The following DNAH14 variants were observed in gnomAD, a reference collection of about 807,000 sequenced individuals.
DNAH14 encodes the protein dynein axonemal heavy chain 14, also known as axonemal beta dynein heavy chain 14.
DNAH14 carries 478 observed loss-of-function variants against 520.9 expected under a neutral mutation model. That is an observed-to-expected ratio of 0.92 (90% CI 0.85 to 0.99). The LOEUF is 0.99. Among genes scored for constraint, DNAH14 ranks in the 50% least tolerant of loss-of-function variants. DNAH14 has a pLI of 0.00. For missense variants in DNAH14, 4,831 were observed against 5,234.5 expected (o/e 0.92, Z 2.38); for synonymous variants, 1,581 against 1,757.2 (o/e 0.90, Z 2.51).
chr1:225,019,505 CA>C, intron 10 of DNAH14, among the ~76,000 whole-genome samples: 1 of 152,160 alleles, frequency 6.6e-6, no homozygotes, highest in Non-Finnish European at 1.5e-5. Flanking sequence ...CAGCATTAGA[CA>C]CATTGTTGAG....
intron 85 of DNAH14, 59 bp from the exon 86 acceptor site, chr1:225,398,995 G>A: frequency 8.1e-7 from 1 of 1,235,806 alleles, no homozygotes; most frequent in Admixed American, 2.3e-5. Flanking sequence ...CAGAAAATGT[G>A]AGCTACTGAT....
intron 27 of DNAH14, among the ~76,000 whole-genome samples, chr1:225,136,014 T>C (rs2078926208): frequency 6.6e-6 from 1 of 152,210 alleles, no homozygotes; most frequent in Non-Finnish European, 1.5e-5. Context: ...TGGTAAATTT[T>C]CCCTTATCCC....
chr1:225,144,820 CAAT>C (rs1168849150), intron 29 of DNAH14, among the ~76,000 whole-genome samples, 192 bp downstream of exon 29: 2 of 151,998 alleles, frequency 1.3e-5, no homozygotes, highest in Admixed American at 6.6e-5. Flanking sequence ...CTTAGAATCT[CAAT>C]AAGCCAACAT....
intron 23 of DNAH14, among the ~76,000 whole-genome samples, chr1:225,108,009 G>A (rs941778578): frequency 1.3e-5 from 2 of 152,154 alleles, no homozygotes; most frequent in Non-Finnish European, 2.9e-5. Flanking sequence ...TGTTGCCGAA[G>A]GAGATTAACA....
intron 46 of DNAH14, among the ~76,000 whole-genome samples, chr1:225,263,944 GAAAAT>G (rs1437571458): frequency 3.9e-5 from 6 of 152,016 alleles, no homozygotes; most frequent in African/African-American, 1.2e-4. Flanking sequence ...ACTATCCAGA[GAAAAT>G]ATCTAACTGT....
intron 56 of DNAH14, among the ~76,000 whole-genome samples, chr1:225,302,058 C>A (rs1276166053): frequency 6.7e-6 from 1 of 148,282 alleles, no homozygotes; most frequent in African/African-American, 2.5e-5. Flanking sequence ...ATAAATAAAC[C>A]AAGAATCTCA....
intron 50 of DNAH14, 140 bp downstream of exon 50, chr1:225,271,006 A>G: frequency 1.1e-5 from 11 of 970,236 alleles, no homozygotes; most frequent in Non-Finnish European, 1.6e-5. Flanking sequence ...TTTCTGGCCT[A>G]TTATAATTTG....
At chr1:224,997,148 G>A (rs1019335046) in intron 8 of DNAH14, among the ~76,000 whole-genome samples, 17 of 152,086 alleles carry the variant, frequency 1.1e-4, no homozygotes, top group African/African-American at 4.1e-4. Flanking sequence ...TCTGTAGGCT[G>A]GTTGCCATGG....
In DNAH14 at chr1:225,051,433, C is replaced by A; in HGVS notation, c.2080-18C>A. 7.0e-7 allele frequency: 1 copy of A among 1,433,818 alleles called. No individual in the cohort carries two copies. The highest frequency in any genetic ancestry group is 1.6e-5 in the South Asian group (1 of 63,492). The allele number at this position is 1,433,818 out of a possible 1,614,324, so 88.8% of individuals were successfully genotyped here. On this transcript the variant is annotated intron_variant, in intron 16 of 85. Transcript: ENST00000682510. ...AAAATAAAAATTCTGACTAACATCT[C>A]AACATTCTTCTTTACAGATTGTGAA...
chr1:225,375,649 A>G (rs2095688087), intron 78 of DNAH14, among the ~76,000 whole-genome samples: 1 of 152,200 alleles, frequency 6.6e-6, no homozygotes, highest in Non-Finnish European at 1.5e-5. Context: ...GCATCTATAG[A>G]ATGGATAGCA....
At chr1:225,124,861 T>C (rs1242911798) in intron 27 of DNAH14, among the ~76,000 whole-genome samples, 1 of 152,202 alleles carries the variant, frequency 6.6e-6, no homozygotes, top group Non-Finnish European at 1.5e-5. Context: ...TATAGCCTTA[T>C]GAAATGTATT....
At chr1:225,076,030 G>C (rs572021462) in intron 17 of DNAH14, among the ~76,000 whole-genome samples, 1 of 88,840 alleles carries the variant, frequency 1.1e-5, no homozygotes, top group African/African-American at 3.1e-5. Flanking sequence ...CCTGTTGACT[G>C]GGTCTGCTGG....
rs145063178 is a variant in DNAH14, at chr1:225,097,837, G to A, written c.3695+598G>A. Among the ~76,000 whole-genome samples the A allele has an allele frequency of 1.5e-4, 23 of 151,900 alleles. 1 individual carries two copies. The highest frequency in any genetic ancestry group is 2.8e-4 in the Non-Finnish European group (19 of 67,960). ...AACTACAATATTATGTGTTTCTTTCGTTCTGGAATATTAGTGTGGTTTTGA... is the reference window on the plus strand; with the variant it reads ...AACTACAATATTATGTGTTTCTTTCATTCTGGAATATTAGTGTGGTTTTGA... On this transcript the variant is annotated intron_variant, in intron 22 of 85. Transcript: ENST00000682510.
chr1:225,250,466 T>C (rs1447432860), intron 43 of DNAH14, among the ~76,000 whole-genome samples: 1 of 152,212 alleles, frequency 6.6e-6, no homozygotes, highest in African/African-American at 2.4e-5. Context: ...TTGTAAGGGA[T>C]TTGTAAAGGA....
chr1:225,340,778 A>T (rs2095162555), intron 69 of DNAH14, 77 bp downstream of exon 69: 8 of 1,443,786 alleles, frequency 5.5e-6, no homozygotes, highest in Non-Finnish European at 7.3e-6. Context: ...CAAATTTTGA[A>T]TTTGAGCCAA....
intron 41 of DNAH14, among the ~76,000 whole-genome samples, chr1:225,218,053 A>C (rs1395085442): frequency 1.3e-5 from 2 of 152,170 alleles, no homozygotes; most frequent in South Asian, 4.1e-4. Context: ...TATCCAGCCA[A>C]ACTAAGCTTC....
At chr1:225,304,020 A>T (rs1372580436) in intron 57 of DNAH14, among the ~76,000 whole-genome samples, 3 of 152,126 alleles carry the variant, frequency 2.0e-5, no homozygotes, top group African/African-American at 7.2e-5. Context: ...GAAGAAAAAA[A>T]AATGCCGCTG....
At chr1:225,269,388 C>T (rs1252067646) in intron 49 of DNAH14, among the ~76,000 whole-genome samples, 2 of 152,144 alleles carry the variant, frequency 1.3e-5, no homozygotes, top group Middle Eastern at 3.2e-3. Flanking sequence ...AGAAGAAAAC[C>T]TAGGCAATAC....
At position 225,393,814 on chromosome 1, in the gene DNAH14, G is replaced by GTTTTTT. The variant is rs1354333069; in HGVS notation, c.13491+1368_13491+1373dup. ...GACGTGCAGTGATATATCTTTTTTTGTTTTTTTTTTGTTTTTTTTTTTGAG... is the reference window on the plus strand; with the variant it reads ...GACGTGCAGTGATATATCTTTTTTTGTTTTTTTTTTTTTTTTGTTTTTTTTTTTGAG... On this transcript the variant is annotated intron_variant, in intron 84 of 85. Coordinates refer to ENST00000682510, the MANE Select transcript of DNAH14 (RefSeq NM_001367479.1). Among the ~76,000 whole-genome samples the GTTTTTT allele has an allele frequency of 4.2e-5, 6 of 143,120 alleles. 1 individual carries two copies. Among genetic ancestry groups the GTTTTTT allele is most frequent in the Non-Finnish European group, 3.0e-5 (2 of 66,246 alleles). The allele number at this position is 143,120 out of a possible 152,430, so 93.9% of individuals were successfully genotyped here.
Sources: allele counts gnomAD v4.1 joint callset (sites outside exome capture counted in the v4.1 genomes callset), GRCh38; gene constraint gnomAD v4.1.1; transcripts MANE v1.5; gene names NCBI Gene and HGNC (gene_info 2026-07-23, HGNC 2026-07-21).